The following PCDHA5 variants were observed in gnomAD, a reference collection of about 807,000 sequenced individuals.
The protein encoded by PCDHA5 is protocadherin alpha 5.
PCDHA5 carries 43 observed loss-of-function variants against 61.6 expected under a neutral mutation model. The observed-to-expected ratio is 0.70, with a 90% CI of 0.55 to 0.90. PCDHA5 has a LOEUF of 0.90. Among genes scored for constraint, PCDHA5 ranks in the 40% least tolerant of loss-of-function variants. PCDHA5 has a pLI of 0.00. For synonymous variants in PCDHA5, 627 were observed against 543.9 expected (o/e 1.15, Z -2.13); for missense variants, 1,298 against 1,222.7 (o/e 1.06, Z -0.92).
At chr5:140,851,813 A>T (rs2042166057) in intron 1 of PCDHA5, 1 of 954,990 alleles carries the variant, frequency 1.0e-6, no homozygotes, top group Non-Finnish European at 1.3e-6. Context: ...AATCCATAAG[A>T]CAGAAATCTG....
intron 1 of PCDHA5, among the ~76,000 whole-genome samples, chr5:140,954,085 C>G (rs1477637836): frequency 1.3e-5 from 2 of 152,142 alleles, no homozygotes; most frequent in African/African-American, 4.8e-5. Context: ...GCTTCCAGCT[C>G]CATCCATGTC....
chr5:140,986,373 G>A (rs376031401), intron 3 of PCDHA5, among the ~76,000 whole-genome samples: 26 of 152,280 alleles, frequency 1.7e-4, no homozygotes, highest in South Asian at 4.1e-4. Context: ...TGCGTTTTGG[G>A]GGGAGGGACA....
At position 140,929,224 on chromosome 5, in the gene PCDHA5, G is replaced by A. The variant is rs138816649; in HGVS notation, c.2353-49725G>A. 8.1e-6 allele frequency: 13 copies of A among 1,613,792 alleles called. No individual in the cohort carries two copies. In the African/African-American group the frequency reaches 1.5e-4, roughly 18 times the overall value. ...GCTGTTGCGTGGGGAGTACAATGCT[G>A]CCGACCTGCGAAATCTTGCCACTGG... On this transcript the variant is annotated intron_variant, in intron 1 of 3. Transcript: ENST00000529859.
chr5:140,975,591 G>A (rs1421434713), intron 1 of PCDHA5, among the ~76,000 whole-genome samples: 1 of 152,198 alleles, frequency 6.6e-6, no homozygotes, highest in African/African-American at 2.4e-5. Flanking sequence ...GTCCCAGAGG[G>A]CAATTTGTTG....
At chr5:140,912,061 C>T (rs1321149990) in intron 1 of PCDHA5, among the ~76,000 whole-genome samples, 2 of 152,162 alleles carry the variant, frequency 1.3e-5, no homozygotes, top group Non-Finnish European at 2.9e-5. Context: ...AACTTGGAGT[C>T]CAATGTTCAA....
intron 1 of PCDHA5, among the ~76,000 whole-genome samples, chr5:140,837,515 A>AT (rs1775086466): frequency 2.1e-5 from 2 of 96,498 alleles, no homozygotes; most frequent in Admixed American, 9.8e-5. Flanking sequence ...GAAGCAGTTT[A>AT]CTTTTTTTGT....
chr5:140,971,401 G>A (rs2096476846), intron 1 of PCDHA5, among the ~76,000 whole-genome samples: 1 of 152,164 alleles, frequency 6.6e-6, no homozygotes, highest in Admixed American at 6.5e-5. Context: ...ATTTCTGCCA[G>A]GCACTTTTGG....
chr5:140,833,113 A>G (rs1554133763), intron 1 of PCDHA5, among the ~76,000 whole-genome samples: 1 of 152,250 alleles, frequency 6.6e-6, no homozygotes, highest in Non-Finnish European at 1.5e-5. Flanking sequence ...ACACTCTTCA[A>G]AGTCATTTGA....
Position 140,847,574 on chromosome 5 carries a change from G to T in PCDHA5, c.2352+23447G>T, listed in dbSNP as rs1038933297. 2 of 149,278 alleles carry T rather than the reference G, an allele frequency of 1.3e-5. 1 individual carries two copies. The highest frequency in any genetic ancestry group is 3.0e-5 in the Non-Finnish European group (2 of 66,762). The allele number at this position is 149,278 out of a possible 1,614,324, so 9.2% of individuals were successfully genotyped here. On this transcript the variant is annotated intron_variant, in intron 1 of 3. Coordinates refer to ENST00000529859, the MANE Select transcript of PCDHA5 (RefSeq NM_018908.3). The stretch of plus-strand genomic sequence containing the variant: ...AACAGAAATTGCCCCGAGTACTAAG[G>T]ATGAGCAATAATGAAATTAAAACAT...
intron 1 of PCDHA5, among the ~76,000 whole-genome samples, chr5:140,885,454 C>T (rs2060601415): frequency 6.6e-6 from 1 of 152,054 alleles, no homozygotes; most frequent in Admixed American, 6.5e-5. Flanking sequence ...TATTATTTAC[C>T]TAATGATGGG....
chr5:140,833,852 G>A (rs1262329896), intron 1 of PCDHA5, among the ~76,000 whole-genome samples: 1 of 152,108 alleles, frequency 6.6e-6, no homozygotes, highest in South Asian at 2.1e-4. Context: ...CTTAACAAGC[G>A]ATACTGAATC....
intron 1 of PCDHA5, among the ~76,000 whole-genome samples, chr5:140,873,019 T>C (rs1453965744): frequency 6.6e-6 from 1 of 152,206 alleles, no homozygotes; most frequent in Non-Finnish European, 1.5e-5. Flanking sequence ...TATTTAGTTA[T>C]TCTTACTACA....
At chr5:140,924,096 T>A (rs1044149112) in intron 1 of PCDHA5, among the ~76,000 whole-genome samples, 1 of 152,222 alleles carries the variant, frequency 6.6e-6, no homozygotes, top group Non-Finnish European at 1.5e-5. Flanking sequence ...AAAGAATAAA[T>A]TTTCATTCCA....
rs2150529065 is a variant in PCDHA5, at chr5:140,853,159, G to A, written c.2352+29032G>A. On this transcript the variant is annotated intron_variant, in intron 1 of 3. Coordinates refer to ENST00000529859, the MANE Select transcript of PCDHA5 (RefSeq NM_018908.3). ...CTCCCAAAATGCTGGGATTACAGGC[G>A]TGAGCCACCGCGCCTGGCCTAAAAT... is the stretch of plus-strand genomic sequence containing the variant. The A allele has an allele frequency of 3.8e-5, 35 of 925,908 alleles. 4 individuals are homozygous for A. In the African/African-American group the frequency reaches 3.9e-4, roughly 10 times the overall value. 57.4% of individuals were successfully genotyped at this position (925,908 alleles called of 1,614,324 possible).
At position 140,843,422 on chromosome 5, in the gene PCDHA5, A is replaced by T. The variant is rs2150359586; in HGVS notation, c.2352+19295A>T. The T allele has an allele frequency of 9.4e-6, 15 of 1,595,774 alleles. 3 individuals are homozygous for T. Among genetic ancestry groups the T allele is most frequent in the Admixed American group, 5.1e-5 (3 of 59,266 alleles). The stretch of plus-strand genomic sequence containing the variant: ...GCTGGTGGATGTCAACGTGTACCTG[A>T]TCATCGCCATCTGCGCGGTATCCAG... On this transcript the variant is annotated intron_variant, in intron 1 of 3. Transcript: ENST00000529859.
chr5:140,949,068 CTT>C (rs1199095008), intron 1 of PCDHA5, among the ~76,000 whole-genome samples: 2 of 151,676 alleles, frequency 1.3e-5, no homozygotes, highest in African/African-American at 4.8e-5. Context: ...TGATTTAACT[CTT>C]TCACCCATTT....
chr5:140,968,951 A>G, intron 1 of PCDHA5: 4 of 1,614,228 alleles, frequency 2.5e-6, no homozygotes, highest in Non-Finnish European at 3.4e-6. Context: ...TTTGAGCATC[A>G]TCAAGTGCTA....
intron 1 of PCDHA5, chr5:140,828,687 C>A: frequency 6.2e-7 from 1 of 1,614,206 alleles, no homozygotes; most frequent in Non-Finnish European, 8.5e-7. Context: ...TTAAAGAAAT[C>A]CTTGGACAGA....
In PCDHA5 at chr5:140,912,862, T is replaced by C. The variant is rs181526076; in HGVS notation, c.2353-66087T>C. On this transcript the variant is annotated intron_variant, in intron 1 of 3. Coordinates refer to ENST00000529859, the MANE Select transcript of PCDHA5 (RefSeq NM_018908.3). Reference sequence around the variant, plus strand: ...GCTTTTTCAGCATCAATTGAAATGATATATGGTTTTTGGTCTTCATTCTGT... The same window carrying C: ...GCTTTTTCAGCATCAATTGAAATGACATATGGTTTTTGGTCTTCATTCTGT... Among the ~76,000 whole-genome samples, 6 of 152,338 alleles carry C rather than the reference T, an allele frequency of 3.9e-5. No individual in the cohort carries two copies. In the East Asian group the frequency reaches 1.2e-3, roughly 29 times the overall value.
Sources: gnomAD v4.1 joint callset for allele counts (sites outside exome capture counted in the v4.1 genomes callset) on GRCh38, gnomAD v4.1.1 for gene constraint, MANE v1.5 for transcripts, NCBI Gene and HGNC (gene_info 2026-07-23, HGNC 2026-07-21) for gene names.